Variants in PCSK5 observed in about 807,000 individuals in gnomAD.
PCSK5 encodes the protein prohormone convertase 5.
Under a neutral mutation model 233.2 loss-of-function variants are expected in PCSK5, and 129 were observed. The ratio of observed to expected loss-of-function variants is 0.55; its 90% CI spans 0.48 to 0.64. The LOEUF (loss-of-function observed/expected upper bound fraction) is 0.64. Among genes scored for constraint, PCSK5 ranks in the 30% least tolerant of loss-of-function variants. The probability of loss-of-function intolerance (pLI) is 0.00; values close to 1 mark genes in which losing one functional copy is unlikely to be tolerated. For synonymous variants in PCSK5, 825 were observed against 879.2 expected (o/e 0.94, Z 1.09); for missense variants, 2,076 against 2,430.1 (o/e 0.85, Z 3.06).
At chr9:76,274,631 G>C (rs1379755353) in intron 24 of PCSK5, among the ~76,000 whole-genome samples, 1 of 151,926 alleles carries the variant, frequency 6.6e-6, no homozygotes, top group East Asian at 1.9e-4. Context: ...TTTTCCTTTT[G>C]AGATGTTCTA....
At chr9:76,097,246 C>CTTTTTGTTTTTTTTT (rs1831563928) in intron 8 of PCSK5, among the ~76,000 whole-genome samples, 1 of 67,328 alleles carries the variant, frequency 1.5e-5, no homozygotes, top group African/African-American at 6.5e-5. Flanking sequence ...AAGTGCATTT[C>CTTTTTGTTTTTTTTT]TTTTTTTTTT....
intron 30 of PCSK5, among the ~76,000 whole-genome samples, chr9:76,317,294 T>C (rs1342792517): frequency 2.0e-5 from 3 of 151,982 alleles, no homozygotes; most frequent in South Asian, 2.1e-4. Context: ...ACCCAGGAGG[T>C]AGAGGTTGCA....
intron 2 of PCSK5, among the ~76,000 whole-genome samples, chr9:75,985,436 G>A (rs1377349008): frequency 6.6e-6 from 1 of 152,036 alleles, no homozygotes; most frequent in Non-Finnish European, 1.5e-5. Context: ...CCAGAGATAG[G>A]GCTAGGGATT....
intron 12 of PCSK5, among the ~76,000 whole-genome samples, chr9:76,160,829 G>A (rs1002911621): frequency 2.0e-5 from 3 of 151,144 alleles, no homozygotes; most frequent in African/African-American, 7.3e-5. Flanking sequence ...GGAGTGCAGT[G>A]TTGGCACAAT....
At chr9:75,916,781 T>A (rs1172629294) in intron 1 of PCSK5, among the ~76,000 whole-genome samples, 2 of 152,152 alleles carry the variant, frequency 1.3e-5, no homozygotes, top group Non-Finnish European at 2.9e-5. Context: ...AGGCATTTTT[T>A]ATCTTAATTT....
At chr9:76,337,840 TA>T (rs71372066) in intron 34 of PCSK5, among the ~76,000 whole-genome samples, 83 of 148,090 alleles carry the variant, frequency 5.6e-4, no homozygotes, top group Admixed American at 6.8e-4. Flanking sequence ...ATCTCTGTTT[TA>T]AAAAAAAAAA....
At chr9:76,256,584 G>C (rs1442364350) in intron 24 of PCSK5, among the ~76,000 whole-genome samples, 1 of 152,222 alleles carries the variant, frequency 6.6e-6, no homozygotes, top group Admixed American at 6.5e-5. Flanking sequence ...GATTCTGCAT[G>C]ATTAGGAATA....
At chr9:76,352,838 A>T (rs1295182136) in intron 36 of PCSK5, among the ~76,000 whole-genome samples, 1 of 151,862 alleles carries the variant, frequency 6.6e-6, no homozygotes, top group Non-Finnish European at 1.5e-5. Flanking sequence ...ACAATTTGTT[A>T]AAGATTACAG....
chr9:76,024,153 A>G (rs1017328413), intron 4 of PCSK5, among the ~76,000 whole-genome samples: 4 of 152,224 alleles, frequency 2.6e-5, no homozygotes. Context: ...GCTACCAGCA[A>G]CATTCGCTGT....
At chr9:76,203,336 T>C (rs1284638499) in intron 20 of PCSK5, among the ~76,000 whole-genome samples, 1 of 152,044 alleles carries the variant, frequency 6.6e-6, no homozygotes, top group Non-Finnish European at 1.5e-5. Context: ...ACTTGCATTC[T>C]CATTCCCTGG....
At chr9:76,166,934 G>A (rs1823110161) in intron 12 of PCSK5, among the ~76,000 whole-genome samples, 1 of 152,178 alleles carries the variant, frequency 6.6e-6, no homozygotes, top group African/African-American at 2.4e-5. Context: ...TTTTTAGTGA[G>A]GGATTCAATG....
chr9:76,022,069 A>G (rs1035549152), intron 3 of PCSK5, among the ~76,000 whole-genome samples: 8 of 152,310 alleles, frequency 5.3e-5, no homozygotes, highest in Admixed American at 2.0e-4. Flanking sequence ...TCACGTTTGC[A>G]GAGACTGGAG....
chr9:76,302,390 G>A (rs755057584), intron 28 of PCSK5, among the ~76,000 whole-genome samples, 173 bp downstream of exon 28: 1 of 152,158 alleles, frequency 6.6e-6, no homozygotes, highest in Non-Finnish European at 1.5e-5. Flanking sequence ...CAACATATCA[G>A]TGGGCACTCA....
chr9:76,145,561 T>G (rs905374577), intron 10 of PCSK5, among the ~76,000 whole-genome samples: 5 of 152,208 alleles, frequency 3.3e-5, no homozygotes, highest in African/African-American at 9.6e-5. Context: ...AGAAACTCTC[T>G]TATTGAAATT....
At chr9:75,928,613 ATATATATATATATATATATATATAT>A (rs1823621010) in intron 1 of PCSK5, among the ~76,000 whole-genome samples, 2 of 107,432 alleles carry the variant, frequency 1.9e-5, no homozygotes, top group African/African-American at 8.8e-5. Flanking sequence ...ATATATATAT[ATATATATATATATATATATATATAT>A]AATCCTAGAA....
intron 6 of PCSK5, among the ~76,000 whole-genome samples, chr9:76,070,079 C>A (rs1830430973): frequency 6.7e-6 from 1 of 149,240 alleles, no homozygotes; most frequent in Non-Finnish European, 1.5e-5. Context: ...CGGCTCACTG[C>A]AAGCTCCATC....
At chr9:76,347,938 A>G (rs1300946422) in intron 35 of PCSK5, among the ~76,000 whole-genome samples, 3 of 151,888 alleles carry the variant, frequency 2.0e-5, no homozygotes, top group Non-Finnish European at 2.9e-5. Flanking sequence ...ATGTCATGAT[A>G]TATGTATACA....
At chr9:75,926,923 T>G (rs182000854) in intron 1 of PCSK5, among the ~76,000 whole-genome samples, 3 of 152,182 alleles carry the variant, frequency 2.0e-5, no homozygotes, top group Non-Finnish European at 4.4e-5. Context: ...ATTAAGAAAA[T>G]TCTGTGAACG....
intron 2 of PCSK5, among the ~76,000 whole-genome samples, chr9:75,942,513 C>A (rs1455153677): frequency 2.0e-5 from 3 of 152,100 alleles, no homozygotes; most frequent in Non-Finnish European, 4.4e-5. Context: ...TTTTTAGTTT[C>A]CAGATTGAAA....
Sources: allele counts gnomAD v4.1 joint callset (sites outside exome capture counted in the v4.1 genomes callset), GRCh38; gene constraint gnomAD v4.1.1; transcripts MANE v1.5; gene names NCBI Gene and HGNC (gene_info 2026-07-23, HGNC 2026-07-21).